The following DCTN4 variants were observed in gnomAD, a reference collection of about 807,000 sequenced individuals.
DCTN4 encodes dynactin 4 (p62).
Under a neutral mutation model 62.7 loss-of-function variants are expected in DCTN4, and 23 were observed. The observed-to-expected ratio is 0.37, with a 90% CI of 0.26 to 0.52. The LOEUF (loss-of-function observed/expected upper bound fraction) is 0.52. DCTN4 is among the 20% of genes least tolerant of loss of function. DCTN4 has a pLI of 0.92. For synonymous variants in DCTN4, 199 were observed against 202.1 expected, an observed-to-expected ratio of 0.98 and a Z score of 0.13; for missense variants, 514 against 580.4, an observed-to-expected ratio of 0.89 and a Z score of 1.18.
chr5:150,753,694 T>C (rs746677392), intron 2 of DCTN4, 37 bp from the exon 3 acceptor site: 14 of 1,585,868 alleles, frequency 8.8e-6, no homozygotes, highest in Non-Finnish European at 1.0e-5. Flanking sequence ...ATTCAACAAA[T>C]ATTTATCAAG....
At chr5:150,743,582 G>A (rs1035430795) in intron 3 of DCTN4, among the ~76,000 whole-genome samples, 1 of 152,118 alleles carries the variant, frequency 6.6e-6, no homozygotes, top group African/African-American at 2.4e-5. Context: ...TCACACGGCC[G>A]GGTACTCCTC....
At chr5:150,733,928 C>G (rs545526035) in intron 4 of DCTN4, 1 of 153,862 alleles carries the variant, frequency 6.5e-6, no homozygotes, top group Non-Finnish European at 1.4e-5. Context: ...CAGTGGCTCA[C>G]GCCTACAATT....
intron 3 of DCTN4, 83 bp downstream of exon 3, chr5:150,753,396 A>G (rs1171552584): frequency 2.3e-6 from 3 of 1,302,230 alleles, no homozygotes; most frequent in Non-Finnish European, 3.2e-6. Context: ...TATCGCCCCA[A>G]CGGGTTACAG....
At chr5:150,715,504 T>C in intron 12 of DCTN4, 61 bp downstream of exon 12, 1 of 1,300,098 alleles carries the variant, frequency 7.7e-7, no homozygotes, top group South Asian at 1.3e-5. Flanking sequence ...GAAAACTGGA[T>C]ATAAGTGGGC....
Position 150,731,082 on chromosome 5 carries a change from G to A in DCTN4, c.686C>T (p.Pro229Leu). ...AQAVDEVEPL[P>L]EDYYTRPVNL... ...TACTGGTCTTGTATAATAGTCTTCA[G>A]GTAGAGGTTCCACTTCATCCACAGC... The change falls in exon 7 of 13, where the codon CCT (proline) becomes CTT (leucine). Residue 229 changes from proline to leucine, a missense_variant. Pro to Leu is a moderately conservative substitution (Grantham distance 98). Transcript: ENST00000447998. The A allele has an allele frequency of 1.2e-6, 2 of 1,611,440 alleles. No homozygotes were observed. The highest frequency in any genetic ancestry group is 2.2e-5 in the South Asian group (2 of 91,008).
intron 8 of DCTN4, among the ~76,000 whole-genome samples, chr5:150,725,383 A>G (rs190085832): frequency 6.6e-6 from 1 of 151,678 alleles, no homozygotes; most frequent in African/African-American, 2.4e-5. Context: ...ATATAAATTT[A>G]TATCAATTTA....
intron 12 of DCTN4, among the ~76,000 whole-genome samples, chr5:150,712,749 TAC>T (rs1373471510): frequency 6.6e-6 from 1 of 152,198 alleles, no homozygotes; most frequent in Non-Finnish European, 1.5e-5. Context: ...CATTTGTGCA[TAC>T]AGTTTGTGCT....
chr5:150,746,549 G>A lies in DCTN4; in HGVS notation c.386-4392C>T, dbSNP rs554211683. ...ATGCAAAAATCCTCAATAAAATACTGGCAAACCGAATGCAGCAGCACATCA... is the reference window on the plus strand; with the variant it reads ...ATGCAAAAATCCTCAATAAAATACTAGCAAACCGAATGCAGCAGCACATCA... On this transcript the variant is annotated intron_variant, in intron 3 of 12. Coordinates refer to ENST00000447998, the MANE Select transcript of DCTN4 (RefSeq NM_016221.4). 5.3e-5 allele frequency among the ~76,000 whole-genome samples: 8 copies of A among 152,202 alleles called. No homozygotes were observed. The South Asian group carries it at 6.2e-4, about 12-fold the overall frequency.
chr5:150,724,301 GTTA>G (rs1325721423), intron 8 of DCTN4, among the ~76,000 whole-genome samples: 1 of 151,916 alleles, frequency 6.6e-6, no homozygotes, highest in Non-Finnish European at 1.5e-5. Flanking sequence ...GGATCTACTG[GTTA>G]TTTTTATTTC....
Position 150,710,686 on chromosome 5 carries a change from T to C in DCTN4, c.*463A>G, listed in dbSNP as rs1759527708. The C allele has an allele frequency of 6.0e-6, 1 of 167,364 alleles. No homozygotes were observed. Among genetic ancestry groups the C allele is most frequent in the African/African-American group, 2.4e-5 (1 of 42,012 alleles). The allele number at this position is 167,364 out of a possible 1,614,324, so 10.4% of individuals were successfully genotyped here. On this transcript the variant is annotated 3_prime_UTR_variant, in exon 13 of 13. Transcript: ENST00000447998. ...GGATATGTTTTAGACTGTTAGATGATATTTAACGGAATGCAGAAAGCAGTT... is the reference window on the plus strand; with the variant it reads ...GGATATGTTTTAGACTGTTAGATGACATTTAACGGAATGCAGAAAGCAGTT...
chr5:150,742,208 T>C, intron 3 of DCTN4, 51 bp from the exon 4 acceptor site: 1 of 1,580,718 alleles, frequency 6.3e-7, no homozygotes, highest in East Asian at 2.2e-5. Flanking sequence ...GATAATTTTA[T>C]TTTCATAAAA....
At chr5:150,719,595 CT>C in intron 10 of DCTN4, 120 bp downstream of exon 10, 1 of 707,446 alleles carries the variant, frequency 1.4e-6, no homozygotes, top group Middle Eastern at 2.3e-4. Flanking sequence ...CCCAAACTGT[CT>C]TCTTTTCTAT....
chr5:150,745,927 G>T (rs903511512), intron 3 of DCTN4, among the ~76,000 whole-genome samples: 1 of 151,728 alleles, frequency 6.6e-6, no homozygotes, highest in Non-Finnish European at 1.5e-5. Flanking sequence ...CAAAAGGCAA[G>T]AAATAACTAA....
At chr5:150,746,761 A>C (rs1333163295) in intron 3 of DCTN4, among the ~76,000 whole-genome samples, 1 of 152,214 alleles carries the variant, frequency 6.6e-6, no homozygotes, top group African/African-American at 2.4e-5. Flanking sequence ...AAAACTCTCA[A>C]TAAATTCGGT....
At chr5:150,742,274 C>A in intron 3 of DCTN4, 117 bp from the exon 4 acceptor site, 39 of 974,040 alleles carry the variant, frequency 4.0e-5, no homozygotes, top group Non-Finnish European at 5.7e-5. Context: ...ATAGACCATT[C>A]TGGTCTATAT....
intron 5 of DCTN4, 69 bp from the exon 6 acceptor site, chr5:150,731,558 T>C: frequency 7.6e-7 from 1 of 1,311,836 alleles, no homozygotes; most frequent in Non-Finnish European, 1.1e-6. Flanking sequence ...AAAGAAAGAA[T>C]TTTGGGTAGG....
At chr5:150,744,584 C>T (rs1282296157) in intron 3 of DCTN4, among the ~76,000 whole-genome samples, 9 of 152,092 alleles carry the variant, frequency 5.9e-5, no homozygotes, top group Non-Finnish European at 1.0e-4. Flanking sequence ...AGACTAACAG[C>T]GGATCTCTCA....
chr5:150,746,375 A>C (rs1394556329), intron 3 of DCTN4, among the ~76,000 whole-genome samples: 1 of 152,240 alleles, frequency 6.6e-6, no homozygotes, highest in Admixed American at 6.5e-5. Context: ...AGGAACTGGT[A>C]CCATTCCTTC....
chr5:150,717,187 T>C (rs1173011307), intron 11 of DCTN4, among the ~76,000 whole-genome samples: 4 of 152,168 alleles, frequency 2.6e-5, no homozygotes, highest in Non-Finnish European at 4.4e-5. Context: ...TAGCAAAATA[T>C]AAAGAGAGGC....
Sources: allele counts gnomAD v4.1 joint callset (sites outside exome capture counted in the v4.1 genomes callset), GRCh38; gene constraint gnomAD v4.1.1; transcripts MANE v1.5; gene names NCBI Gene and HGNC (gene_info 2026-07-23, HGNC 2026-07-21).